ANKRD11: variants seen among roughly 807,000 people sequenced by gnomAD.
The protein encoded by ANKRD11 is ankyrin repeat domain-containing protein 11.
A neutral mutation model predicts 195.7 loss-of-function variants in ANKRD11; 17 were observed. The observed-to-expected ratio is 0.09, with a 90% CI of 0.06 to 0.13. ANKRD11 has a LOEUF of 0.13. Among genes scored for constraint, ANKRD11 ranks in the 10% least tolerant of loss-of-function variants. The pLI is 1.00. For synonymous variants in ANKRD11, 1,953 were observed against 1,528.1 expected (o/e 1.28, Z -6.49); for missense variants, 3,735 against 3,566.1 (o/e 1.05, Z -1.21).
chr16:89,430,115 C>G (rs1219749295), intron 1 of ANKRD11, among the ~76,000 whole-genome samples: 1 of 123,996 alleles, frequency 8.1e-6, no homozygotes, highest in African/African-American at 3.2e-5. Flanking sequence ...CTCTCACGCT[C>G]AGACGTTCTA....
chr16:89,336,427 G>A (rs2038356989), intron 2 of ANKRD11, among the ~76,000 whole-genome samples: 1 of 152,262 alleles, frequency 6.6e-6, no homozygotes, highest in Admixed American at 6.5e-5. Flanking sequence ...TTTGCTGTGG[G>A]CTTCTGTGGT....
chr16:89,323,356 GCCTCTCA>G (rs2037457325), intron 2 of ANKRD11: 3 of 1,288,100 alleles, frequency 2.3e-6, no homozygotes, highest in Non-Finnish European at 3.0e-6. Flanking sequence ...AGCACCACTG[GCCTCTCA>G]CCTCTCACCA....
intron 4 of ANKRD11, among the ~76,000 whole-genome samples, chr16:89,294,947 C>T (rs1035305932): frequency 6.6e-6 from 1 of 152,244 alleles, no homozygotes; most frequent in Non-Finnish European, 1.5e-5. Flanking sequence ...TCTGGAGCTA[C>T]CCCTAGGACA....
At chr16:89,451,410 ACT>A in intron 1 of ANKRD11, among the ~76,000 whole-genome samples, 1 of 86,516 alleles carries the variant, frequency 1.2e-5, no homozygotes, top group Admixed American at 1.2e-4. Flanking sequence ...TTCACAAATT[ACT>A]TTTTTTTTTT....
chr16:89,327,361 A>G lies in ANKRD11; in HGVS notation c.-59-10283T>C, dbSNP rs1251783445. On this transcript the variant is annotated intron_variant, in intron 2 of 12. Coordinates refer to ENST00000301030, the MANE Select transcript of ANKRD11 (RefSeq NM_013275.6). ...CCAAGAACTCAAGGCTGACATGATC[A>G]AGAGTGACGTGCTGAGGGCTGCAGA... Among the ~76,000 whole-genome samples, 3 of 152,336 alleles carry G rather than the reference A, an allele frequency of 2.0e-5. No individual in the cohort carries two copies. In the East Asian group the frequency reaches 5.8e-4, roughly 29 times the overall value.
chr16:89,474,495 A>AC (rs1279425664), intron 1 of ANKRD11, among the ~76,000 whole-genome samples: 1 of 151,678 alleles, frequency 6.6e-6, no homozygotes, highest in African/African-American at 2.4e-5. Context: ...CCAGAAATAT[A>AC]CCCCCACACA....
intron 2 of ANKRD11, among the ~76,000 whole-genome samples, chr16:89,407,649 C>T (rs984122731): frequency 2.0e-5 from 3 of 151,942 alleles, no homozygotes; most frequent in Admixed American, 6.6e-5. Context: ...GGCGAGACGC[C>T]GTCTCTATCA....
At chr16:89,362,501 T>C (rs1029150239) in intron 2 of ANKRD11, among the ~76,000 whole-genome samples, 3 of 152,242 alleles carry the variant, frequency 2.0e-5, no homozygotes, top group Non-Finnish European at 2.9e-5. Flanking sequence ...ACTGAACCCA[T>C]GTGTCCAGCA....
In ANKRD11 at chr16:89,473,179, C is replaced by CAAA. The variant is rs5818721; in HGVS notation, c.-145+17063_-145+17065dup. ...GAGGCAAGAAAGCAAGACCCTGCCT[C>CAAA]AAAAAAAAAAAAGGATCATTGGGAA... On this transcript the variant is annotated intron_variant, in intron 1 of 12. Transcript: ENST00000301030. Among the ~76,000 whole-genome samples the CAAA allele has an allele frequency of 2.8e-5, 4 of 142,562 alleles. No individual in the cohort carries two copies. In the East Asian group the frequency reaches 8.0e-4, roughly 28 times the overall value. 93.5% of individuals were successfully genotyped at this position (142,562 alleles called of 152,430 possible). A position where few individuals can be genotyped will look rare whatever the true frequency, so the allele number is the denominator to read the frequency against.
intron 1 of ANKRD11, among the ~76,000 whole-genome samples, chr16:89,434,802 T>C (rs1453897831): frequency 4.6e-5 from 7 of 152,214 alleles, no homozygotes; most frequent in Admixed American, 2.0e-4. Flanking sequence ...AGGAAAGCAC[T>C]GGATGGAGAC....
intron 2 of ANKRD11, among the ~76,000 whole-genome samples, chr16:89,347,491 G>A (rs978440146): frequency 6.6e-6 from 1 of 151,888 alleles, no homozygotes; most frequent in Non-Finnish European, 1.5e-5. Flanking sequence ...GGCGCCGGTA[G>A]TCCCAGCTAC....
intron 7 of ANKRD11, chr16:89,287,457 A>C (rs1405069959): frequency 4.3e-6 from 1 of 230,496 alleles, no homozygotes. Flanking sequence ...CGTAATAAAA[A>C]GTTTAAAAGT....
intron 2 of ANKRD11, among the ~76,000 whole-genome samples, chr16:89,381,319 G>A (rs867756995): frequency 6.3e-5 from 8 of 127,062 alleles, no homozygotes; most frequent in Admixed American, 5.0e-4. Context: ...GCTACAGAGC[G>A]AGACTCTGCT....
rs2965948 is a variant in ANKRD11 at position 89,453,132 on chromosome 16, G to A, written c.-144-34764C>T. Among the ~76,000 whole-genome samples the A allele has an allele frequency of 3.6e-3, 555 of 152,206 alleles. 4 individuals carry two copies. The highest frequency in any genetic ancestry group is 0.013 in the African/African-American group (522 of 41,532). ...TTTCTTTTTTGTTGTTGTTGTTGCC[G>A]TTTTCATAATAGTATTTAACAAGAT... is the stretch of plus-strand genomic sequence containing the variant. On this transcript the variant is annotated intron_variant, in intron 1 of 12. Transcript: ENST00000301030.
rs781644006 is a variant in ANKRD11 at position 89,280,820 on chromosome 16, G to T, written c.5722C>A (p.Pro1908Thr). ...LLVPSLEGAL[P>T]PDLDTSEDQQ... is the part of the protein sequence containing the mutation. ...TCCTCGGAGGTGTCCAGGTCCGGGG[G>T]AAGGGCCCCTTCGAGGGAAGGAACC... Residue 1908 changes from proline (P) to threonine (T), a missense_variant, in exon 9 of 13, where the codon CCC becomes ACC. Coordinates refer to ENST00000301030, the MANE Select transcript of ANKRD11 (RefSeq NM_013275.6). 2.5e-6 allele frequency: 4 copies of T among 1,602,850 alleles called. No individual in the cohort carries two copies. The highest frequency in any genetic ancestry group is 3.4e-6 in the Non-Finnish European group (4 of 1,171,502).
At position 89,441,568 on chromosome 16, in the gene ANKRD11, C is replaced by T. The variant is rs191084795; in HGVS notation, c.-144-23200G>A. Among the ~76,000 whole-genome samples, 34 of 152,038 alleles carry T rather than the reference C, an allele frequency of 2.2e-4. No homozygotes were observed. The South Asian group carries it at 6.7e-3, about 30-fold the overall frequency. On this transcript the variant is annotated intron_variant, in intron 1 of 12. Coordinates refer to ENST00000301030, the MANE Select transcript of ANKRD11 (RefSeq NM_013275.6). ...GGATCACGAGGTCAGCAGATGGAGA[C>T]CATCCTGGCTAACATGGTAAAACCC...
intron 2 of ANKRD11, among the ~76,000 whole-genome samples, chr16:89,401,337 A>G (rs188908186): frequency 6.6e-6 from 1 of 152,238 alleles, no homozygotes; most frequent in East Asian, 1.9e-4. Context: ...TTGGCCTCCC[A>G]AAGTGCTGGG....
At position 89,280,178 on chromosome 16, in the gene ANKRD11, C is replaced by T; in HGVS notation, c.6364G>A (p.Asp2122Asn). ...TCGTCCTCGGGGCCGGCGAAGGCGT[C>T]CGCCCAGGGCACCGGCTCCACCTGG... ...LGQVEPVPWADAFAGPEDDLD... is the reference protein window; with the variant it reads ...LGQVEPVPWANAFAGPEDDLD... Residue 2122 changes from aspartate (D) to asparagine (N), a missense_variant, in exon 9 of 13, where the codon GAC becomes AAC. Asp to Asn is a conservative substitution (Grantham distance 23). Coordinates refer to ENST00000301030, the MANE Select transcript of ANKRD11 (RefSeq NM_013275.6). The T allele has an allele frequency of 6.2e-7, 1 of 1,609,186 alleles. No homozygotes were observed.
intron 2 of ANKRD11, among the ~76,000 whole-genome samples, chr16:89,335,701 G>A (rs1045875832): frequency 3.3e-5 from 5 of 152,184 alleles, no homozygotes; most frequent in African/African-American, 2.4e-5. Context: ...GCACATGAGC[G>A]CCCAGGGGCC....
Sources: gnomAD v4.1 joint callset for allele counts (sites outside exome capture counted in the v4.1 genomes callset) on GRCh38, gnomAD v4.1.1 for gene constraint, MANE v1.5 for transcripts, NCBI Gene and HGNC (gene_info 2026-07-23, HGNC 2026-07-21) for gene names.